The following PGBD5 variants were observed in gnomAD, a reference collection of about 807,000 sequenced individuals.
The protein encoded by PGBD5 is piggyBac transposable element-derived protein 5.
In PGBD5, 14 loss-of-function variants were observed where a neutral mutation model predicts 47.9. The observed-to-expected ratio is 0.29, with a 90% CI of 0.19 to 0.46. The LOEUF (loss-of-function observed/expected upper bound fraction) is 0.46, where lower values mean the gene tolerates loss of function less well. PGBD5 is among the 20% of genes least tolerant of loss of function. The pLI is 1.00. For synonymous variants in PGBD5, 316 were observed against 306.3 expected (o/e 1.03, Z -0.33); for missense variants, 635 against 716.0 (o/e 0.89, Z 1.29).
chr1:230,405,157 T>C (rs577576708), intron 1 of PGBD5, among the ~76,000 whole-genome samples: 2 of 148,716 alleles, frequency 1.3e-5, no homozygotes, highest in Non-Finnish European at 3.0e-5. Flanking sequence ...ATTGCGCTAC[T>C]GCACTCCAGC....
chr1:230,418,642 G>A (rs530577850), intron 1 of PGBD5, among the ~76,000 whole-genome samples: 52 of 152,234 alleles, frequency 3.4e-4, no homozygotes, highest in Non-Finnish European at 5.3e-4. Flanking sequence ...TCACCACCAC[G>A]CTTGGCTAAT....
At chr1:230,328,233 G>A (rs748077858) in intron 5 of PGBD5, among the ~76,000 whole-genome samples, 65 of 152,158 alleles carry the variant, frequency 4.3e-4, no homozygotes, top group Non-Finnish European at 7.5e-4. Context: ...CTCACCACGG[G>A]ACATGGGAGA....
At chr1:230,377,563 C>A in intron 1 of PGBD5, 1 of 1,608,338 alleles carries the variant, frequency 6.2e-7, no homozygotes, top group South Asian at 1.1e-5. Context: ...CAGCTCAGGT[C>A]CTGCAGAGTC....
chr1:230,351,156 T>C (rs1364500726), intron 2 of PGBD5, 64 bp from the exon 3 acceptor site: 20 of 1,507,504 alleles, frequency 1.3e-5, no homozygotes, highest in African/African-American at 1.4e-5. Context: ...GCTCATCAGA[T>C]TGGAGCTCAA....
intron 3 of PGBD5, among the ~76,000 whole-genome samples, chr1:230,345,541 G>A (rs1392147261): frequency 6.6e-6 from 1 of 152,222 alleles, no homozygotes; most frequent in Non-Finnish European, 1.5e-5. Flanking sequence ...TTAGTCCTTA[G>A]CAGGCCTGTG....
intron 1 of PGBD5, among the ~76,000 whole-genome samples, chr1:230,367,528 C>T (rs565596177): frequency 6.6e-6 from 1 of 152,012 alleles, no homozygotes; most frequent in Non-Finnish European, 1.5e-5. Flanking sequence ...ATAGTGATAC[C>T]CCATCTCTAC....
intron 1 of PGBD5, among the ~76,000 whole-genome samples, chr1:230,417,848 G>A (rs1421577190): frequency 6.6e-6 from 1 of 152,196 alleles, no homozygotes; most frequent in East Asian, 1.9e-4. Context: ...AGGGCTCAAT[G>A]TGCTGGCTGA....
At chr1:230,346,875 A>C (rs1339299030) in intron 3 of PGBD5, among the ~76,000 whole-genome samples, 2 of 152,010 alleles carry the variant, frequency 1.3e-5, no homozygotes, top group South Asian at 2.1e-4. Flanking sequence ...GGCTCCCTCT[A>C]TCTCTAGTTC....
At chr1:230,383,626 G>A (rs57119321) in intron 1 of PGBD5, among the ~76,000 whole-genome samples, 14,891 of 151,992 alleles carry the variant, frequency 0.098, 1,196 homozygotes, top group African/African-American at 0.23. Context: ...CCACCCCACC[G>A]CATCCCCTTG....
chr1:230,328,883 C>CA (rs1667165127), intron 5 of PGBD5, among the ~76,000 whole-genome samples: 1 of 152,120 alleles, frequency 6.6e-6, no homozygotes, highest in Non-Finnish European at 1.5e-5. Context: ...GAAAGAAAAG[C>CA]AAAAGGGTTT....
chr1:230,346,928 A>G (rs2102698287), intron 3 of PGBD5, among the ~76,000 whole-genome samples: 1 of 152,300 alleles, frequency 6.6e-6, no homozygotes, highest in African/African-American at 2.4e-5. Flanking sequence ...GGTGTGGTTA[A>G]CCAAACAGTC....
chr1:230,350,762 C>T (rs1667547895), intron 3 of PGBD5, among the ~76,000 whole-genome samples, 196 bp downstream of exon 3: 1 of 152,214 alleles, frequency 6.6e-6, no homozygotes, highest in African/African-American at 2.4e-5. Flanking sequence ...GCAGCCTCTC[C>T]AGGGCTGGCT....
intron 3 of PGBD5, among the ~76,000 whole-genome samples, chr1:230,343,018 T>G (rs1432034180): frequency 6.6e-6 from 1 of 152,228 alleles, no homozygotes; most frequent in Non-Finnish European, 1.5e-5. Context: ...CAATGCTGCT[T>G]GTGTCATCTT....
chr1:230,369,233 G>A lies in PGBD5; in HGVS notation c.332-11912C>T, dbSNP rs114906556. Among the ~76,000 whole-genome samples the A allele has an allele frequency of 2.9e-3, 444 of 152,372 alleles. 3 individuals carry two copies. The highest frequency in any genetic ancestry group is 9.9e-3 in the African/African-American group (411 of 41,588). Reference sequence around the variant, plus strand: ...CCTGAAGACTTCCACCCCAGGACAGGAATCCCGCTTAAGAAGCAGCTCCTT... The same window carrying A: ...CCTGAAGACTTCCACCCCAGGACAGAAATCCCGCTTAAGAAGCAGCTCCTT... On this transcript the variant is annotated intron_variant, in intron 1 of 6. Transcript: ENST00000391860.
At chr1:230,389,268 G>T (rs1483818740) in intron 1 of PGBD5, among the ~76,000 whole-genome samples, 1 of 151,890 alleles carries the variant, frequency 6.6e-6, no homozygotes, top group East Asian at 1.9e-4. Flanking sequence ...CTGCCTCCGG[G>T]TTCAAGCGAT....
intron 1 of PGBD5, among the ~76,000 whole-genome samples, chr1:230,394,704 G>A (rs1344632063): frequency 5.9e-4 from 57 of 95,888 alleles, no homozygotes; most frequent in South Asian, 1.7e-3. Flanking sequence ...CTCTCCTCAC[G>A]CTCCTCCCTA....
intron 1 of PGBD5, among the ~76,000 whole-genome samples, chr1:230,378,932 A>G (rs900441899): frequency 6.6e-6 from 1 of 152,176 alleles, no homozygotes; most frequent in African/African-American, 2.4e-5. Context: ...ATGTATGTAC[A>G]AGGTGAAAGG....
chr1:230,406,883 T>G (rs140794717), intron 1 of PGBD5, among the ~76,000 whole-genome samples: 39 of 152,350 alleles, frequency 2.6e-4, no homozygotes, highest in African/African-American at 9.1e-4. Flanking sequence ...TTGCCCAGGC[T>G]GGAGTGCAAT....
rs745691276 is a variant in PGBD5 at position 230,351,034 on chromosome 1, C to G, written c.818G>C (p.Arg273Pro). 6.2e-7 allele frequency: 1 copy of G among 1,614,090 alleles called. No individual in the cohort carries two copies. The highest frequency in any genetic ancestry group is 8.5e-7 in the Non-Finnish European group (1 of 1,180,010). ...DPVFIATCTE[R>P]ELRKRKKRKF... ...CCGCTTTTTCCTCTTTCGCAGCTCC[C>G]GCTCTGTGCACGTGGCAATGAATAC... is the stretch of plus-strand genomic sequence containing the variant. Residue 273 changes from arginine to proline, a missense_variant, in exon 3 of 7, where the codon CGG (arginine) becomes CCG (proline). Coordinates refer to ENST00000391860, the MANE Select transcript of PGBD5 (RefSeq NM_001258311.2).
Sources: gnomAD v4.1 joint callset for allele counts (sites outside exome capture counted in the v4.1 genomes callset) on GRCh38, gnomAD v4.1.1 for gene constraint, MANE v1.5 for transcripts, NCBI Gene and HGNC (gene_info 2026-07-23, HGNC 2026-07-21) for gene names.